Variants in SYP observed in about 807,000 individuals in gnomAD.
SYP encodes the protein synaptophysin, also known as major synaptic vesicle protein P38.
Under a neutral mutation model 24.3 loss-of-function variants are expected in SYP, and 2 were observed. That is an observed-to-expected ratio of 0.08 (90% CI 0.03 to 0.26). SYP has a LOEUF of 0.26. Ranked by LOEUF, SYP falls within the 10% of genes least tolerant of loss-of-function variation. The pLI is 1.00. For synonymous variants in SYP, 143 were observed against 123.2 expected, an observed-to-expected ratio of 1.16 and a Z score of -1.07; for missense variants, 216 against 266.3, an observed-to-expected ratio of 0.81 and a Z score of 1.32.
Position 49,191,618 on chromosome X carries a change from C to A in SYP, c.761G>T (p.Gly254Val). 1 of 1,208,858 alleles carries A rather than the reference C, an allele frequency of 8.3e-7. No homozygotes were observed. The highest frequency in any genetic ancestry group is 1.1e-6 in the Non-Finnish European group (1 of 894,227). Residue 254 changes from glycine to valine, a missense_variant, in exon 6 of 7, where the codon GGC (glycine) becomes GTC (valine). By Grantham distance (109) the Gly-to-Val change is moderately radical. This residue lies in a region of SYP where 114 missense variants were observed against 107.9 expected (regional missense o/e 1.06). Coordinates refer to ENST00000263233, the MANE Select transcript of SYP (RefSeq NM_003179.3). Reference protein sequence around the residue: ...PAPGDAYGDAGYGQGPGGYGP... With the variant: ...PAPGDAYGDAVYGQGPGGYGP... Reference sequence around the variant, plus strand: ...GTACCCGCCGGGGCCCTGCCCGTAGCCTGCATCGCCGTAGGCGTCCCCGGG... The same window carrying A: ...GTACCCGCCGGGGCCCTGCCCGTAGACTGCATCGCCGTAGGCGTCCCCGGG...
At chrX:49,199,139 G>C (rs2065540334) in intron 1 of SYP, 106 bp from the exon 2 acceptor site, 1 of 789,291 alleles carries the variant, frequency 1.3e-6, no homozygotes, top group African/African-American at 2.0e-5. Context: ...TGTGACCTCG[G>C]GGAGAGGGTG....
chrX:49,198,429 C>G (rs1341594965), intron 2 of SYP: 1 of 119,143 alleles, frequency 8.4e-6, no homozygotes, highest in Non-Finnish European at 1.7e-5. Context: ...CTCTCTGTGT[C>G]TCTCTCTCCC....
Position 49,193,164 on chromosome X carries a change from C to T in SYP, c.615+108G>A, listed in dbSNP as rs782291241. 3.2e-5 allele frequency: 30 copies of T among 926,614 alleles called. No homozygotes were observed. In the Admixed American group the frequency reaches 4.2e-4, roughly 13 times the overall value. The allele number at this position is 926,614 out of a possible 1,213,427, so 76.4% of individuals were successfully genotyped here. On this transcript the variant is annotated intron_variant, in intron 5 of 6. Transcript: ENST00000263233. The stretch of plus-strand genomic sequence containing the variant: ...TGTTGGCACGCGTTCTTCAGGGACA[C>T]CCCTTGGATCTCCCCTGACTCTCCT...
In SYP at chrX:49,188,408, T is replaced by C. The variant is rs782491513; in HGVS notation, c.*879A>G. ...GGGGCTGCCCTTTCTGAAACCACCA[T>C]GGAAGCCCCATTCTAAGCCCCACCC... On this transcript the variant is annotated 3_prime_UTR_variant, in exon 7 of 7. Transcript: ENST00000263233. 1 of 111,413 alleles carries C rather than the reference T, an allele frequency of 9.0e-6. No homozygotes were observed. The highest frequency in any genetic ancestry group is 3.8e-4 in the South Asian group (1 of 2,650). The allele number at this position is 111,413 out of a possible 1,213,427, so 9.2% of individuals were successfully genotyped here.
At chrX:49,194,133 G>C in intron 4 of SYP, 33 bp downstream of exon 4, 1 of 1,204,109 alleles carries the variant, frequency 8.3e-7, no homozygotes, top group Non-Finnish European at 1.1e-6. Flanking sequence ...GTGTCCCCAT[G>C]GTCCCTACAT....
intron 3 of SYP, 58 bp from the exon 4 acceptor site, chrX:49,194,419 G>T: frequency 9.0e-7 from 1 of 1,113,496 alleles, no homozygotes; most frequent in Non-Finnish European, 1.2e-6. Context: ...CAACCCTCCA[G>T]CCCAATCATG....
At chrX:49,195,081 T>G (rs1391114375) in intron 3 of SYP, among the ~76,000 whole-genome samples, 3 of 111,410 alleles carry the variant, frequency 2.7e-5, no homozygotes, top group Non-Finnish European at 5.7e-5. Flanking sequence ...TACTTAAAAT[T>G]AAATTGAAAC....
intron 4 of SYP, 50 bp from the exon 5 acceptor site, chrX:49,193,513 C>T (rs782298359): frequency 5.9e-6 from 7 of 1,182,566 alleles, no homozygotes; most frequent in South Asian, 5.5e-5. Context: ...GACTGCTTCA[C>T]GCTAGGCCCT....
At chrX:49,191,223 G>A (rs2065506831) in intron 6 of SYP, 1 of 470,930 alleles carries the variant, frequency 2.1e-6, no homozygotes, top group African/African-American at 2.4e-5. Context: ...TGTCCATCTT[G>A]AAGCACCATT....
rs372570311 is a variant in SYP at position 49,199,011 on chromosome X, C to T, written c.59G>A (p.Arg20Gln). ...AAAGCCGAGGGGCTCCTTGACCACC[C>T]GGAACTGACCCCCAGCCACCAGCTG... Reference protein sequence around the residue: ...VNQLVAGGQFRVVKEPLGFVK... With the variant: ...VNQLVAGGQFQVVKEPLGFVK... Residue 20 changes from arginine to glutamine, a missense_variant, in exon 2 of 7, where the codon CGG becomes CAG. Arg to Gln is a conservative substitution (Grantham distance 43, BLOSUM62 1). Coordinates refer to ENST00000263233, the MANE Select transcript of SYP (RefSeq NM_003179.3). 12 of 1,209,571 alleles carry T rather than the reference C, an allele frequency of 9.9e-6. No individual in the cohort carries two copies. Among genetic ancestry groups the T allele is most frequent in the African/African-American group, 5.3e-5 (3 of 57,044 alleles).
intron 5 of SYP, 138 bp from the exon 6 acceptor site, chrX:49,191,901 G>T: frequency 1.4e-6 from 1 of 701,778 alleles, no homozygotes; most frequent in Non-Finnish European, 2.2e-6. Flanking sequence ...CTGAGTCCCA[G>T]TGCGAGAACG....
In SYP at chrX:49,191,637, C is replaced by T. The variant is rs782086106; in HGVS notation, c.742G>A (p.Asp248Asn). ...GAPEKQPAPG[D>N]AYGDAGYGQG... Reference sequence around the variant, plus strand: ...CCGTAGCCTGCATCGCCGTAGGCGTCCCCGGGTGCCGGTTGTTTCTCGGGG... The same window carrying T: ...CCGTAGCCTGCATCGCCGTAGGCGTTCCCGGGTGCCGGTTGTTTCTCGGGG... The change falls in exon 6 of 7, where the codon GAC (aspartate) becomes AAC (asparagine). Residue 248 changes from aspartate (D) to asparagine (N), a missense_variant. Physicochemically the swap from Asp to Asn is conservative, Grantham distance 23. Coordinates refer to ENST00000263233, the MANE Select transcript of SYP (RefSeq NM_003179.3). 114 of 1,205,626 alleles carry T rather than the reference C, an allele frequency of 9.5e-5. No individual in the cohort carries two copies. The South Asian group carries it at 1.9e-3, about 20-fold the overall frequency.
At chrX:49,191,111 C>T in intron 6 of SYP, 1 of 356,788 alleles carries the variant, frequency 2.8e-6, no homozygotes, top group Non-Finnish European at 5.0e-6. Flanking sequence ...CGCCACTGCG[C>T]AAGTCCCCCG....
rs2065544847 is a variant in SYP, at chrX:49,199,936, A to G, written c.36+215T>C. ...GGGCTCCGGGGGCCCCCGCTGCGGC[A>G]GTGAGGACGGCCCTCGCTGCGGCAA... On this transcript the variant is annotated intron_variant, in intron 1 of 6. Coordinates refer to ENST00000263233, the MANE Select transcript of SYP (RefSeq NM_003179.3). Among the ~76,000 whole-genome samples the G allele has an allele frequency of 2.7e-5, 3 of 110,734 alleles. No homozygotes were observed. In the Admixed American group the frequency reaches 2.8e-4, roughly 10 times the overall value.
At chrX:49,189,710 T>TA (rs1557102436) in intron 6 of SYP, among the ~76,000 whole-genome samples, 1 of 110,795 alleles carries the variant, frequency 9.0e-6, no homozygotes, top group East Asian at 2.8e-4. Context: ...CGCTCACACT[T>TA]ATAGTCTCAG....
Position 49,189,744 on chromosome X carries a change from G to C in SYP, c.*5-462C>G, listed in dbSNP as rs782518907. Reference sequence around the variant, plus strand: ...AGCTACTTGGGAGGCTGAGGTGGGAGGATCACCTGAGCCCAGGAGTTCAAG... The same window carrying C: ...AGCTACTTGGGAGGCTGAGGTGGGACGATCACCTGAGCCCAGGAGTTCAAG... On this transcript the variant is annotated intron_variant, in intron 6 of 6. Coordinates refer to ENST00000263233, the MANE Select transcript of SYP (RefSeq NM_003179.3). Among the ~76,000 whole-genome samples the C allele has an allele frequency of 2.7e-5, 3 of 111,242 alleles. No individual in the cohort carries two copies. The South Asian group carries it at 1.1e-3, about 42-fold the overall frequency.
chrX:49,197,685 G>T, intron 3 of SYP, 30 bp downstream of exon 3: 1 of 1,203,630 alleles, frequency 8.3e-7, no homozygotes, highest in Non-Finnish European at 1.1e-6. Context: ...CCTCTCCCAG[G>T]TCTGTTGGTA....
chrX:49,193,214 C>G, intron 5 of SYP, 58 bp downstream of exon 5: 2 of 1,169,290 alleles, frequency 1.7e-6, no homozygotes, highest in Non-Finnish European at 2.3e-6. Flanking sequence ...CCACCACTCC[C>G]CATGCCGGAC....
Position 49,199,070 on chromosome X carries a change from T to G in SYP, c.37-37A>C, listed in dbSNP as rs782533363. On this transcript the variant is annotated intron_variant, in intron 1 of 6. Coordinates refer to ENST00000263233, the MANE Select transcript of SYP (RefSeq NM_003179.3). ...AACAGTGGGGAAGGGGTGGGGTTGT[T>G]GGAGGTACAGGGAGGTGAGCGGCAA... The G allele has an allele frequency of 1.0e-5, 12 of 1,190,481 alleles. No homozygotes were observed. The Admixed American group carries it at 2.7e-4, about 26-fold the overall frequency.
Sources: gnomAD v4.1 joint callset for allele counts (sites outside exome capture counted in the v4.1 genomes callset) on GRCh38, gnomAD v4.1.1 for gene constraint, gnomAD v4.1.1 regional missense constraint, MANE v1.5 for transcripts, NCBI Gene and HGNC (gene_info 2026-07-23, HGNC 2026-07-21) for gene names.